POTEJ: variants seen among roughly 807,000 people sequenced by gnomAD.
POTEJ encodes POTE ankyrin domain family, member J.
A neutral mutation model predicts 69.0 loss-of-function variants in POTEJ; 11 were observed. The observed-to-expected ratio is 0.16, with a 90% confidence interval of 0.10 to 0.26. The LOEUF (loss-of-function observed/expected upper bound fraction) is 0.26. Ranked by LOEUF, POTEJ falls within the 10% of genes least tolerant of loss-of-function variation. The pLI is 1.00. For synonymous variants in POTEJ, 117 were observed against 381.1 expected (o/e 0.31, Z 8.07); for missense variants, 327 against 1,045.5 (o/e 0.31, Z 9.48).
chr2:130,630,868 A>T (rs1418828040), intron 7 of POTEJ, among the ~76,000 whole-genome samples: 1 of 143,842 alleles, frequency 7.0e-6, no homozygotes, highest in Non-Finnish European at 1.5e-5. Context: ...TCTCAATTAA[A>T]ATTGGAGAAT....
chr2:130,638,315 G>A (rs1161693122), intron 9 of POTEJ, among the ~76,000 whole-genome samples: 9 of 151,612 alleles, frequency 5.9e-5, no homozygotes, highest in Admixed American at 5.9e-4. Context: ...AGAGCAAATA[G>A]CTGTTCATTA....
intron 6 of POTEJ, among the ~76,000 whole-genome samples, chr2:130,629,048 A>G (rs1390133073): frequency 6.6e-6 from 1 of 152,222 alleles, no homozygotes; most frequent in Non-Finnish European, 1.5e-5. Flanking sequence ...AAATGAAAAT[A>G]AATATGTCCG....
intron 9 of POTEJ, among the ~76,000 whole-genome samples, chr2:130,636,977 G>T (rs1212743646): frequency 6.8e-6 from 1 of 146,506 alleles, no homozygotes; most frequent in Admixed American, 6.9e-5. Context: ...TGCTATGGAG[G>T]CTGAGGCAGG....
At chr2:130,642,891 G>A (rs1242536469) in intron 10 of POTEJ, among the ~76,000 whole-genome samples, 3 of 150,642 alleles carry the variant, frequency 2.0e-5, no homozygotes, top group Non-Finnish European at 3.0e-5. Flanking sequence ...AATCTGGCTA[G>A]TCTCAATATT....
chr2:130,614,643 G>A (rs1297075874), intron 1 of POTEJ, among the ~76,000 whole-genome samples: 2 of 139,302 alleles, frequency 1.4e-5, no homozygotes, highest in Non-Finnish European at 3.1e-5. Flanking sequence ...CTGGGGATTT[G>A]TAAGTGAAGT....
At chr2:130,642,204 G>GT (rs1169726500) in intron 10 of POTEJ, among the ~76,000 whole-genome samples, 4 of 140,278 alleles carry the variant, frequency 2.9e-5, no homozygotes, top group Admixed American at 7.4e-5. Context: ...GAGAAAGAGT[G>GT]TTTTTTTGTA....
intron 6 of POTEJ, among the ~76,000 whole-genome samples, chr2:130,626,500 T>C (rs1685710290): frequency 6.6e-6 from 1 of 150,756 alleles, no homozygotes; most frequent in East Asian, 1.9e-4. Context: ...TCATATCTAC[T>C]TAACCCTGCT....
chr2:130,626,714 G>A (rs1239817685), intron 6 of POTEJ, among the ~76,000 whole-genome samples: 1 of 152,174 alleles, frequency 6.6e-6, no homozygotes, highest in African/African-American at 2.4e-5. Context: ...GTCAGCTATA[G>A]TTTCCTTGTC....
intron 9 of POTEJ, among the ~76,000 whole-genome samples, chr2:130,633,939 T>C (rs1685997881): frequency 1.3e-5 from 2 of 150,796 alleles, no homozygotes; most frequent in South Asian, 4.2e-4. Flanking sequence ...TGAGACAGGG[T>C]CTCACTCTGT....
intron 6 of POTEJ, among the ~76,000 whole-genome samples, chr2:130,624,821 C>T (rs1341162522): frequency 6.6e-6 from 1 of 152,100 alleles, no homozygotes; most frequent in Non-Finnish European, 1.5e-5. Flanking sequence ...TTCATTCCTC[C>T]TCATTTGAAG....
At chr2:130,613,328 GTATATATACATATATATGTGTGTGTA>G (rs1558915601) in intron 1 of POTEJ, among the ~76,000 whole-genome samples, 3 of 94,936 alleles carry the variant, frequency 3.2e-5, no homozygotes, top group Middle Eastern at 5.6e-3. Flanking sequence ...ATATACATAT[GTATATATACATATATATGTGTGTGTA>G]TATATATACA....
chr2:130,612,185 A>G (rs1473395160), intron 1 of POTEJ, among the ~76,000 whole-genome samples: 1 of 150,242 alleles, frequency 6.7e-6, no homozygotes, highest in African/African-American at 2.5e-5. Flanking sequence ...AGACTGTTTT[A>G]AAGTGATTTA....
In POTEJ at chr2:130,631,959, A is replaced by T. The variant is rs1280679364; in HGVS notation, c.1131+506A>T. On this transcript the variant is annotated intron_variant, in intron 8 of 14. Coordinates refer to ENST00000409602, the MANE Select transcript of POTEJ (RefSeq NM_001277083.2). Reference sequence around the variant, plus strand: ...AGCACCATCATGTTTTTGATATCTCAGCAACCAAATGAAAAAAGAATGCTC... The same window carrying T: ...AGCACCATCATGTTTTTGATATCTCTGCAACCAAATGAAAAAAGAATGCTC... Among the ~76,000 whole-genome samples the T allele has an allele frequency of 2.1e-5, 3 of 143,540 alleles. 1 individual carries two copies. Among genetic ancestry groups the T allele is most frequent in the African/African-American group, 8.3e-5 (3 of 36,232 alleles). The allele number at this position is 143,540 out of a possible 152,430, so 94.2% of individuals were successfully genotyped here.
At chr2:130,613,659 C>T (rs1475748477) in intron 1 of POTEJ, among the ~76,000 whole-genome samples, 3 of 138,202 alleles carry the variant, frequency 2.2e-5, no homozygotes, top group African/African-American at 9.2e-5. Context: ...CTTTGGCCTC[C>T]CCAAGTGCTG....
chr2:130,631,227 T>C (rs1685887484), intron 7 of POTEJ, among the ~76,000 whole-genome samples, 182 bp from the exon 8 acceptor site: 1 of 145,790 alleles, frequency 6.9e-6, no homozygotes, highest in South Asian at 2.1e-4. Context: ...GATTAAAAAG[T>C]TAATTCTTAA....
chr2:130,612,134 GA>G (rs1204317896), intron 1 of POTEJ, among the ~76,000 whole-genome samples, 192 bp downstream of exon 1: 1 of 151,008 alleles, frequency 6.6e-6, no homozygotes, highest in African/African-American at 2.4e-5. Flanking sequence ...AACTTTAGCT[GA>G]TTTCCAATCA....
chr2:130,625,423 C>T (rs1229674274), intron 6 of POTEJ, among the ~76,000 whole-genome samples: 4 of 151,784 alleles, frequency 2.6e-5, no homozygotes, highest in African/African-American at 4.9e-5. Flanking sequence ...TTATTCAGTG[C>T]TTACTGTGTG....
At chr2:130,652,292 C>A (rs1268783246) in intron 13 of POTEJ, among the ~76,000 whole-genome samples, 1 of 136,538 alleles carries the variant, frequency 7.3e-6, no homozygotes, top group Non-Finnish European at 1.6e-5. Flanking sequence ...AATCCTCTTT[C>A]CTTTATGAAT....
In POTEJ at chr2:130,611,720, A is replaced by G. The variant is rs1322164174; in HGVS notation, c.188A>G (p.Lys63Arg). ...AAGACACTCAGGAGCAAGATGGGCA[A>G]GTGGTGCTGCCACTGCTTCCCCTGC... ...TMKTLRSKMG[K>R]WCCHCFPCCR... The change falls in exon 1 of 15, where the codon AAG (lysine) becomes AGG (arginine). Residue 63 changes from lysine to arginine, a missense_variant. Transcript: ENST00000409602. The G allele has an allele frequency of 1.9e-6, 3 of 1,562,338 alleles. No individual in the cohort carries two copies. The highest frequency in any genetic ancestry group is 2.6e-6 in the Non-Finnish European group (3 of 1,148,192).
Sources: gnomAD v4.1 joint callset for allele counts (sites outside exome capture counted in the v4.1 genomes callset) on GRCh38, gnomAD v4.1.1 for gene constraint, MANE v1.5 for transcripts, NCBI Gene and HGNC (gene_info 2026-07-23, HGNC 2026-07-21) for gene names.